Variants in SDCCAG8 observed in about 807,000 individuals in gnomAD.
SDCCAG8 encodes the protein SHH signaling and ciliogenesis regulator SDCCAG8.
SDCCAG8 carries 74 observed loss-of-function variants against 101.8 expected under a neutral mutation model. The observed-to-expected ratio is 0.73, with a 90% CI of 0.60 to 0.88. The LOEUF (loss-of-function observed/expected upper bound fraction) is 0.88, where lower values mean the gene tolerates loss of function less well. SDCCAG8 is among the 40% of genes least tolerant of loss of function. The pLI, the probability that SDCCAG8 is intolerant of heterozygous loss-of-function variation, is 0.00. For synonymous variants in SDCCAG8, 281 were observed against 292.9 expected, an observed-to-expected ratio of 0.96 and a Z score of 0.41; for missense variants, 787 against 822.6, an observed-to-expected ratio of 0.96 and a Z score of 0.53.
At chr1:243,389,582 G>A (rs1280792073) in intron 13 of SDCCAG8, among the ~76,000 whole-genome samples, 1 of 151,918 alleles carries the variant, frequency 6.6e-6, no homozygotes, top group African/African-American at 2.4e-5. Context: ...CTTTTTTTGG[G>A]GGAGTATCTT....
At chr1:243,361,869 A>C (rs903649522) in intron 12 of SDCCAG8, among the ~76,000 whole-genome samples, 1 of 152,254 alleles carries the variant, frequency 6.6e-6, no homozygotes, top group Non-Finnish European at 1.5e-5. Context: ...GCTTTTAAAC[A>C]ATCAGTTTCT....
At chr1:243,319,192 C>G (rs2073534829) in intron 9 of SDCCAG8, among the ~76,000 whole-genome samples, 1 of 152,054 alleles carries the variant, frequency 6.6e-6, no homozygotes. Context: ...GACCCAAACA[C>G]CTCCCACCAG....
intron 16 of SDCCAG8, among the ~76,000 whole-genome samples, chr1:243,470,958 A>G (rs914333086): frequency 2.0e-5 from 3 of 152,178 alleles, no homozygotes; most frequent in Admixed American, 6.5e-5. Flanking sequence ...CTTCCTGGTC[A>G]TCTCTTTCAT....
At chr1:243,411,452 A>G (rs72759865) in intron 13 of SDCCAG8, among the ~76,000 whole-genome samples, 8,498 of 152,252 alleles carry the variant, frequency 0.056, 325 homozygotes, top group South Asian at 0.13. Context: ...AAATTTAAAT[A>G]TAATAAAATA....
rs563047913 is a variant in SDCCAG8 at position 243,299,545 on chromosome 1, C to T, written c.676-5168C>T. Among the ~76,000 whole-genome samples, 9 of 152,128 alleles carry T rather than the reference C, an allele frequency of 5.9e-5. No individual in the cohort carries two copies. The East Asian group carries it at 1.8e-3, about 30-fold the overall frequency. On this transcript the variant is annotated intron_variant, in intron 6 of 17. Coordinates refer to ENST00000366541, the MANE Select transcript of SDCCAG8 (RefSeq NM_006642.5). ...TCTCCTGTCTCAGCCTCCCAATTAG[C>T]TGGGATTACAGGCACATGCCACCAC...
intron 13 of SDCCAG8, among the ~76,000 whole-genome samples, chr1:243,388,698 CA>C (rs11296139): frequency 0.63 from 84,401 of 134,222 alleles, 25,862 homozygotes; most frequent in East Asian, 0.88. Context: ...CCAGCTCTAC[CA>C]AAAAAAAAAA....
intron 15 of SDCCAG8, among the ~76,000 whole-genome samples, chr1:243,420,775 A>G (rs948312475): frequency 1.3e-5 from 2 of 152,178 alleles, no homozygotes; most frequent in African/African-American, 4.8e-5. Flanking sequence ...TTTTAGTTCC[A>G]GTTTCATTTC....
rs954966391 is a variant in SDCCAG8 at position 243,474,627 on chromosome 1, C to G, written c.1986-14387C>G. Among the ~76,000 whole-genome samples, 3 of 152,238 alleles carry G rather than the reference C, an allele frequency of 2.0e-5. No homozygotes were observed. Among genetic ancestry groups the G allele is most frequent in the Non-Finnish European group, 4.4e-5 (3 of 68,034 alleles). On this transcript the variant is annotated intron_variant, in intron 16 of 17. Coordinates refer to ENST00000366541, the MANE Select transcript of SDCCAG8 (RefSeq NM_006642.5). The surrounding 1 kb of genome is among the most constrained non-coding windows in gnomAD (Gnocchi z 4.7). ...GGAGCGCTCCGCGGTGGCCCGAGAGCAGGTGCTGGCGTGCGGGAGGCGCAC... is the reference window on the plus strand; with the variant it reads ...GGAGCGCTCCGCGGTGGCCCGAGAGGAGGTGCTGGCGTGCGGGAGGCGCAC...
intron 16 of SDCCAG8, among the ~76,000 whole-genome samples, chr1:243,479,582 G>A (rs542801659): frequency 6.6e-6 from 1 of 152,218 alleles, no homozygotes; most frequent in Admixed American, 6.5e-5. Flanking sequence ...CTCTCAATTG[G>A]CAGATCATAC....
intron 12 of SDCCAG8, among the ~76,000 whole-genome samples, chr1:243,374,963 A>G (rs559747893): frequency 1.3e-5 from 2 of 152,270 alleles, no homozygotes; most frequent in East Asian, 1.9e-4. Flanking sequence ...AAAACAAACT[A>G]TTAAAAAACT....
chr1:243,312,936 G>A (rs2072892007), intron 8 of SDCCAG8, among the ~76,000 whole-genome samples: 1 of 152,250 alleles, frequency 6.6e-6, no homozygotes, highest in East Asian at 1.9e-4. Context: ...TATGCCATAA[G>A]GGAGGTAAGA....
chr1:243,283,395 G>C (rs2069250124), intron 4 of SDCCAG8, among the ~76,000 whole-genome samples: 3 of 78,402 alleles, frequency 3.8e-5, no homozygotes, highest in Admixed American at 3.4e-4. Context: ...TTGTGTCCCT[G>C]TTTATTTATA....
chr1:243,275,274 C>G (rs907788625), intron 4 of SDCCAG8, among the ~76,000 whole-genome samples: 3 of 148,678 alleles, frequency 2.0e-5, no homozygotes, highest in Non-Finnish European at 4.5e-5. Flanking sequence ...TTTTTTTTTT[C>G]TGTTTCTTTC....
chr1:243,455,580 A>G (rs748311218), intron 16 of SDCCAG8, among the ~76,000 whole-genome samples: 9 of 152,208 alleles, frequency 5.9e-5, no homozygotes, highest in South Asian at 4.1e-4. Context: ...ATTTCCATCT[A>G]TCTTGATCAC....
At chr1:243,289,271 G>A (rs769390933) in intron 5 of SDCCAG8, among the ~76,000 whole-genome samples, 1 of 152,074 alleles carries the variant, frequency 6.6e-6, no homozygotes, top group Non-Finnish European at 1.5e-5. Flanking sequence ...ATGTAGGCTG[G>A]GAGGCTAAGC....
At chr1:243,283,765 G>A (rs1408971167) in intron 4 of SDCCAG8, among the ~76,000 whole-genome samples, 2 of 151,952 alleles carry the variant, frequency 1.3e-5, no homozygotes, top group South Asian at 2.1e-4. Context: ...TTTTGAGACG[G>A]AGTCTCACTC....
chr1:243,373,355 GTA>G (rs943798093), intron 12 of SDCCAG8, among the ~76,000 whole-genome samples: 3 of 152,112 alleles, frequency 2.0e-5, no homozygotes, highest in Non-Finnish European at 4.4e-5. Flanking sequence ...CTAAGGTGAT[GTA>G]TAGTTGTAAC....
chr1:243,421,216 A>G (rs772829355), intron 15 of SDCCAG8, among the ~76,000 whole-genome samples: 1 of 152,240 alleles, frequency 6.6e-6, no homozygotes, highest in Admixed American at 6.5e-5. Context: ...GTTACTAGCA[A>G]CATTACTCTA....
intron 16 of SDCCAG8, among the ~76,000 whole-genome samples, chr1:243,479,852 T>C (rs1663122048): frequency 6.6e-6 from 1 of 152,112 alleles, no homozygotes; most frequent in South Asian, 2.1e-4. Flanking sequence ...ATACTGTGAA[T>C]TAGAATGTAC....
Sources: gnomAD v4.1 joint callset for allele counts (sites outside exome capture counted in the v4.1 genomes callset) on GRCh38, gnomAD v4.1.1 for gene constraint, Gnocchi (gnomAD v3.1) non-coding constraint, MANE v1.5 for transcripts, NCBI Gene and HGNC (gene_info 2026-07-23, HGNC 2026-07-21) for gene names.